The following FZR1 variants were observed in gnomAD, a reference collection of about 807,000 sequenced individuals.
The protein encoded by FZR1 is fizzy and cell division cycle 20 related 1.
Under a neutral mutation model 63.6 loss-of-function variants are expected in FZR1, and 11 were observed. The ratio of observed to expected loss-of-function variants is 0.17; its 90% CI spans 0.11 to 0.29. The LOEUF (loss-of-function observed/expected upper bound fraction) is 0.29. FZR1 is among the 10% of genes least tolerant of loss of function. The pLI is 1.00. For synonymous variants in FZR1, 328 were observed against 297.9 expected, an observed-to-expected ratio of 1.10 and a Z score of -1.04; for missense variants, 440 against 687.5, an observed-to-expected ratio of 0.64 and a Z score of 4.03.
rs776991909 is a variant in FZR1, at chr19:3,523,043, G to A, written c.54G>A (p.Glu18=). Residue 18 remains glutamate (E), a synonymous_variant, in exon 2 of 14, where the codon GAG becomes GAA. Coordinates refer to ENST00000441788, the MANE Select transcript of FZR1 (RefSeq NM_016263.4). ...TTCGCCAGATCGTCATCCAGAATGA[G>A]AACACGATGCCACGCGTGAGTGCCC... is the stretch of plus-strand genomic sequence containing the variant. ...RLLRQIVIQN[E]NTMPRVTEMR... 5 of 1,607,666 alleles carry A rather than the reference G, an allele frequency of 3.1e-6. No homozygotes were observed. The highest frequency in any genetic ancestry group is 4.3e-6 in the Non-Finnish European group (5 of 1,175,306).
intron 7 of FZR1, among the ~76,000 whole-genome samples, chr19:3,529,046 A>T (rs2083196700): frequency 6.9e-6 from 1 of 143,896 alleles, no homozygotes; most frequent in Non-Finnish European, 1.5e-5. Flanking sequence ...GGGTGAGAGG[A>T]TGGGAGTGCG....
In FZR1 at chr19:3,535,466, GTC is replaced by G. The variant is rs1162042671; in HGVS notation, c.*636_*637del. The stretch of plus-strand genomic sequence containing the variant: ...TCTGCTGTCACTGCTCGAAGCAGCA[GTC>G]TCTCTGGAAGCATCTGTGTCATGGC... On this transcript the variant is annotated 3_prime_UTR_variant, in exon 14 of 14. Transcript: ENST00000441788. 1.3e-5 allele frequency: 2 copies of G among 153,878 alleles called. No individual in the cohort carries two copies. The highest frequency in any genetic ancestry group is 2.4e-5 in the African/African-American group (1 of 41,494). The allele number at this position is 153,878 out of a possible 1,614,324, so 9.5% of individuals were successfully genotyped here. A position where few individuals can be genotyped will look rare whatever the true frequency, so the allele number is the denominator to read the frequency against.
intron 7 of FZR1, among the ~76,000 whole-genome samples, chr19:3,530,415 GGAGAGCGC>G (rs2083232847): frequency 1.3e-5 from 1 of 78,738 alleles, no homozygotes; most frequent in Non-Finnish European, 2.9e-5. Context: ...AGAGCGCATG[GGAGAGCGC>G]ATGGGAGAGC....
intron 7 of FZR1, among the ~76,000 whole-genome samples, chr19:3,529,063 TGAGCGGATGGGA>T (rs140416774): frequency 0.071 from 8,843 of 124,332 alleles, 1,204 homozygotes; most frequent in African/African-American, 0.26. Flanking sequence ...TGCGGATGCT[TGAGCGGATGGGA>T]GAGCGGATGG....
At chr19:3,510,486 GCA>G (rs2083016934) in intron 1 of FZR1, among the ~76,000 whole-genome samples, 1 of 152,198 alleles carries the variant, frequency 6.6e-6, no homozygotes, top group South Asian at 2.1e-4. Context: ...GTGCTGTTTT[GCA>G]CACATTCCCT....
Position 3,527,674 on chromosome 19 carries a change from T to C in FZR1, c.514T>C (p.Ser172Pro). 6.2e-7 allele frequency: 1 copy of C among 1,611,768 alleles called. No homozygotes were observed. The highest frequency in any genetic ancestry group is 8.5e-7 in the Non-Finnish European group (1 of 1,179,788). The change falls in exon 7 of 14, where the codon TCC becomes CCC. Residue 172 changes from serine (S) to proline (P), a missense_variant. Coordinates refer to ENST00000441788, the MANE Select transcript of FZR1 (RefSeq NM_016263.4). Reference sequence around the variant, plus strand: ...CCCCCGGAAACCCACCCGCAAGATCTCCAAGATCCCCTTCAAGGTGCTGGA... The same window carrying C: ...CCCCCGGAAACCCACCCGCAAGATCCCCAAGATCCCCTTCAAGGTGCTGGA... Reference protein sequence around the residue: ...RSPRKPTRKISKIPFKVLDAP... With the variant: ...RSPRKPTRKIPKIPFKVLDAP...
intron 7 of FZR1, among the ~76,000 whole-genome samples, chr19:3,530,586 G>A (rs373750822): frequency 4.0e-5 from 6 of 150,128 alleles, no homozygotes; most frequent in East Asian, 2.0e-4. Context: ...ATGGGAAAGC[G>A]GATGAGAGTG....
At position 3,534,408 on chromosome 19, in the gene FZR1, C is replaced by T. The variant is rs748061816; in HGVS notation, c.1348-13C>T. On this transcript the variant is annotated splice_polypyrimidine_tract_variant and intron_variant, in intron 12 of 13. Coordinates refer to ENST00000441788, the MANE Select transcript of FZR1 (RefSeq NM_016263.4). ...AGGCCCAGAGACATGGGGTGCTTCC[C>T]TCCTGTCCACAGGCAATGTCCCCTG... The T allele has an allele frequency of 6.6e-7, 1 of 1,513,710 alleles. No individual in the cohort carries two copies. The highest frequency in any genetic ancestry group is 9.1e-7 in the Non-Finnish European group (1 of 1,096,122). The allele number at this position is 1,513,710 out of a possible 1,614,324, so 93.8% of individuals were successfully genotyped here.
chr19:3,523,122 A>T (rs1256202968), intron 2 of FZR1, 64 bp downstream of exon 2: 1 of 1,012,398 alleles, frequency 9.9e-7, no homozygotes, highest in Non-Finnish European at 1.6e-6. Flanking sequence ...TGCCCTGGCC[A>T]GCAGCCTCAG....
intron 1 of FZR1, among the ~76,000 whole-genome samples, chr19:3,507,367 C>T (rs912912018): frequency 6.6e-6 from 1 of 151,608 alleles, no homozygotes; most frequent in African/African-American, 2.4e-5. Context: ...CCTACTCAAA[C>T]CTGTGACACC....
At chr19:3,529,252 G>A (rs903960661) in intron 7 of FZR1, among the ~76,000 whole-genome samples, 2 of 149,710 alleles carry the variant, frequency 1.3e-5, no homozygotes, top group Non-Finnish European at 3.0e-5. Context: ...GAGTGGTTGA[G>A]GGAGTGGATG....
chr19:3,534,854 G>A lies in FZR1; in HGVS notation c.*18G>A, dbSNP rs763206021. ...TCCGGTAAACCTGCCGGGCAGGACCGTGCCACACCAGCTGTCCAGAGTCGG... is the reference window on the plus strand; with the variant it reads ...TCCGGTAAACCTGCCGGGCAGGACCATGCCACACCAGCTGTCCAGAGTCGG... On this transcript the variant is annotated 3_prime_UTR_variant, in exon 14 of 14. Transcript: ENST00000441788. 2.3e-5 allele frequency: 37 copies of A among 1,604,142 alleles called. No homozygotes were observed. Among genetic ancestry groups the A allele is most frequent in the Middle Eastern group, 1.6e-4 (1 of 6,068 alleles).
Position 3,532,500 on chromosome 19 carries a change from C to T in FZR1, c.1092C>T (p.Ser364=). 1 of 1,608,832 alleles carries T rather than the reference C, an allele frequency of 6.2e-7. No homozygotes were observed. Among genetic ancestry groups the T allele is most frequent in the South Asian group, 1.1e-5 (1 of 90,814 alleles). ...HLAAVKAIAW[S]PHQHGLLASG... ...CGGCCGTGAAGGCCATCGCCTGGTC[C>T]CCACATCAGCACGGGCTGCTGGCCT... Residue 364 remains serine (S), a synonymous_variant, in exon 11 of 14, where the codon TCC becomes TCT. Transcript: ENST00000441788.
At chr19:3,519,259 T>C (rs1007522245) in intron 1 of FZR1, among the ~76,000 whole-genome samples, 1 of 152,242 alleles carries the variant, frequency 6.6e-6, no homozygotes, top group African/African-American at 2.4e-5. Flanking sequence ...CAAGGTGGCC[T>C]AGGCACAGGT....
In FZR1 at chr19:3,538,278, GGTTTT is replaced by G. The variant is rs907946481; in HGVS notation, c.*3457_*3461del. 9.0e-5 allele frequency: 15 copies of G among 166,870 alleles called. No individual in the cohort carries two copies. The highest frequency in any genetic ancestry group is 1.2e-4 in the Admixed American group (2 of 16,556). The allele number at this position is 166,870 out of a possible 1,614,324, so 10.3% of individuals were successfully genotyped here. A position where few individuals can be genotyped will look rare whatever the true frequency, so the allele number is the denominator to read the frequency against. On this transcript the variant is annotated 3_prime_UTR_variant, in exon 14 of 14. Coordinates refer to ENST00000441788, the MANE Select transcript of FZR1 (RefSeq NM_016263.4). ...TCTGGATGTTTGTTGGGTTTGGTTT[GGTTTT>G]GTTTTGTTTTGTTTATTGTGGTAAA...
Position 3,531,595 on chromosome 19 carries a change from G to A in FZR1, c.721-119G>A, listed in dbSNP as rs139209063. 3.6e-3 allele frequency: 2,432 copies of A among 679,622 alleles called. 31 individuals carry two copies. Among genetic ancestry groups the A allele is most frequent in the East Asian group, 0.021 (741 of 35,894 alleles). The allele number at this position is 679,622 out of a possible 1,614,324, so 42.1% of individuals were successfully genotyped here. ...CCGAAGGGACGTGCATTCGAGAGTC[G>A]TTAGGGAAACCGTCCCAGAGCCCTG... is the stretch of plus-strand genomic sequence containing the variant. On this transcript the variant is annotated intron_variant, in intron 8 of 13. Coordinates refer to ENST00000441788, the MANE Select transcript of FZR1 (RefSeq NM_016263.4).
intron 2 of FZR1, among the ~76,000 whole-genome samples, chr19:3,524,844 C>T (rs1369253805): frequency 1.3e-5 from 2 of 152,278 alleles, no homozygotes; most frequent in Non-Finnish European, 2.9e-5. Flanking sequence ...TTTTCCTCTT[C>T]TTATGAGGAT....
Position 3,533,265 on chromosome 19 carries a change from C to T in FZR1, c.1243-29C>T, listed in dbSNP as rs765380077. 2 of 1,414,640 alleles carry T rather than the reference C, an allele frequency of 1.4e-6. No homozygotes were observed. Among genetic ancestry groups the T allele is most frequent in the Non-Finnish European group, 2.0e-6 (2 of 1,000,592 alleles). The allele number at this position is 1,414,640 out of a possible 1,614,324, so 87.6% of individuals were successfully genotyped here. ...TAGCACCCGGCCTCGTTGCCCCTCA[C>T]CGACCGCAGCGCCCCCTCCGCCCTC... On this transcript the variant is annotated intron_variant, in intron 11 of 13. Transcript: ENST00000441788. This position sits in a 1 kb window ranked among gnomAD's most constrained non-coding sequence, Gnocchi z 4.9.
At chr19:3,506,665 C>T (rs1261847240) in intron 1 of FZR1, among the ~76,000 whole-genome samples, 191 bp downstream of exon 1, 1 of 151,792 alleles carries the variant, frequency 6.6e-6, no homozygotes, top group African/African-American at 2.4e-5. Flanking sequence ...GCATCCGCGT[C>T]TCCCGAGTTA....
Sources: allele counts gnomAD v4.1 joint callset (sites outside exome capture counted in the v4.1 genomes callset), GRCh38; gene constraint gnomAD v4.1.1; non-coding constraint Gnocchi (gnomAD v3.1); transcripts MANE v1.5; gene names NCBI Gene and HGNC (gene_info 2026-07-23, HGNC 2026-07-21).